Variants in KCNJ6 observed in about 807,000 individuals in gnomAD.
The protein encoded by KCNJ6 is potassium inwardly rectifying channel subfamily J member 6.
A neutral mutation model predicts 34.2 loss-of-function variants in KCNJ6; 9 were observed. The ratio of observed to expected loss-of-function variants is 0.26; its 90% CI spans 0.16 to 0.46. The LOEUF (loss-of-function observed/expected upper bound fraction) is 0.46, where lower values mean the gene tolerates loss of function less well. KCNJ6 is among the 20% of genes least tolerant of loss of function. The pLI, the probability that KCNJ6 is intolerant of heterozygous loss-of-function variation, is 1.00. For missense variants in KCNJ6, 236 were observed against 531.3 expected (o/e 0.44, Z 5.46); for synonymous variants, 196 against 207.1 (o/e 0.95, Z 0.46).
At chr21:37,798,486 G>A (rs1268363696) in intron 2 of KCNJ6, among the ~76,000 whole-genome samples, 2 of 118,220 alleles carry the variant, frequency 1.7e-5, no homozygotes, top group East Asian at 2.3e-4. Context: ...GTCCAAGGCA[G>A]TGTTGCTCAC....
At chr21:37,626,460 A>G (rs2054311647) in intron 3 of KCNJ6, among the ~76,000 whole-genome samples, 1 of 152,182 alleles carries the variant, frequency 6.6e-6, no homozygotes, top group Admixed American at 6.5e-5. Context: ...AAAGATAAGA[A>G]GCCTTTTTGT....
At chr21:37,730,488 G>T (rs1164164402) in intron 2 of KCNJ6, among the ~76,000 whole-genome samples, 2 of 152,204 alleles carry the variant, frequency 1.3e-5, no homozygotes, top group South Asian at 4.1e-4. Context: ...ATCCTGCAAG[G>T]ATGGCACCTG....
intron 1 of KCNJ6, among the ~76,000 whole-genome samples, chr21:37,873,140 A>G (rs2055660714): frequency 6.6e-6 from 1 of 152,214 alleles, no homozygotes; most frequent in Non-Finnish European, 1.5e-5. Context: ...ACTCTGGAAC[A>G]CAGTGACGAC....
At position 37,621,903 on chromosome 21, in the gene KCNJ6, A is replaced by T. The variant is rs533932418; in HGVS notation, c.*3256T>A. The T allele has an allele frequency of 6.6e-6, 1 of 152,360 alleles. No homozygotes were observed. Among genetic ancestry groups the T allele is most frequent in the African/African-American group, 2.4e-5 (1 of 41,578 alleles). The allele number at this position is 152,360 out of a possible 1,614,324, so 9.4% of individuals were successfully genotyped here. On this transcript the variant is annotated 3_prime_UTR_variant, in exon 4 of 4. Transcript: ENST00000609713. ...AGTATAGCTTACCCAGGGGACAGCTAAAACAGAAATGATTTTATTGGTTCC... is the reference window on the plus strand; with the variant it reads ...AGTATAGCTTACCCAGGGGACAGCTTAAACAGAAATGATTTTATTGGTTCC...
intron 1 of KCNJ6, among the ~76,000 whole-genome samples, chr21:37,912,813 G>A (rs2055873119): frequency 6.6e-6 from 1 of 152,208 alleles, no homozygotes; most frequent in South Asian, 2.1e-4. Context: ...CACATCCTGA[G>A]TGCTCAGCAT....
chr21:37,755,781 C>T (rs937624979), intron 2 of KCNJ6, among the ~76,000 whole-genome samples: 8 of 152,242 alleles, frequency 5.3e-5, no homozygotes, highest in Non-Finnish European at 8.8e-5. Context: ...AGGATGGATA[C>T]GAGGGTGCGG....
At chr21:37,910,361 A>G (rs2055861492) in intron 1 of KCNJ6, among the ~76,000 whole-genome samples, 1 of 152,210 alleles carries the variant, frequency 6.6e-6, no homozygotes, top group African/African-American at 2.4e-5. Context: ...TAGATGATAC[A>G]AGAGAAATTT....
intron 1 of KCNJ6, among the ~76,000 whole-genome samples, chr21:37,909,795 G>T (rs147292677): frequency 0.015 from 2,290 of 152,242 alleles, 15 homozygotes; most frequent in Middle Eastern, 0.031. Flanking sequence ...GTTGATTAAG[G>T]TCACATAGTT....
rs1170298759 is a variant in KCNJ6, at chr21:37,915,886, G to A, written c.-30C>T. On this transcript the variant is annotated splice_region_variant and 5_prime_UTR_variant, in exon 1 of 4. Coordinates refer to ENST00000609713, the MANE Select transcript of KCNJ6 (RefSeq NM_002240.5). ...GAGCAGCTCAGCGCACCGCTTACCT[G>A]GCTGCGGACGGGGTGGCTTCACTCA... 1 of 152,322 alleles carries A rather than the reference G, an allele frequency of 6.6e-6. No individual in the cohort carries two copies. Among genetic ancestry groups the A allele is most frequent in the African/African-American group, 2.4e-5 (1 of 41,466 alleles). 9.4% of individuals were successfully genotyped at this position (152,322 alleles called of 1,614,324 possible).
intron 3 of KCNJ6, among the ~76,000 whole-genome samples, chr21:37,678,090 G>T (rs1400234097): frequency 6.6e-6 from 1 of 152,112 alleles, no homozygotes; most frequent in Non-Finnish European, 1.5e-5. Context: ...GCCCTATGGG[G>T]CCAAACAGAA....
At chr21:37,864,875 T>C (rs893773532) in intron 1 of KCNJ6, among the ~76,000 whole-genome samples, 26 of 150,502 alleles carry the variant, frequency 1.7e-4, no homozygotes, top group Admixed American at 6.6e-4. Flanking sequence ...CTCTCTCTTT[T>C]TTTTTTTTTT....
rs74880385 is a variant in KCNJ6 at position 37,642,752 on chromosome 21, C to T, written c.947-17268G>A. Among the ~76,000 whole-genome samples, 642 of 152,086 alleles carry T rather than the reference C, an allele frequency of 4.2e-3. 7 individuals carry two copies. Among genetic ancestry groups the T allele is most frequent in the African/African-American group, 0.015 (607 of 41,476 alleles). On this transcript the variant is annotated intron_variant, in intron 3 of 3. Coordinates refer to ENST00000609713, the MANE Select transcript of KCNJ6 (RefSeq NM_002240.5). ...TACAGGTAGGGGAGGAGGTGATCAA[C>T]TATTTAAGGTTCTGGAGAGATGGGT... is the stretch of plus-strand genomic sequence containing the variant.
intron 1 of KCNJ6, among the ~76,000 whole-genome samples, chr21:37,861,401 A>G (rs2055594196): frequency 1.3e-5 from 2 of 152,102 alleles, no homozygotes; most frequent in South Asian, 4.1e-4. Context: ...CTCTTCTTAT[A>G]AGACCACCAG....
chr21:37,913,623 G>C (rs1440320039), intron 1 of KCNJ6, among the ~76,000 whole-genome samples: 7 of 152,130 alleles, frequency 4.6e-5, no homozygotes, highest in Non-Finnish European at 1.0e-4. Context: ...TTCGAGACCA[G>C]CCTGACCAAC....
At chr21:37,639,245 G>T (rs1294347669) in intron 3 of KCNJ6, among the ~76,000 whole-genome samples, 1 of 152,216 alleles carries the variant, frequency 6.6e-6, no homozygotes, top group African/African-American at 2.4e-5. Flanking sequence ...GGAAAGTGAT[G>T]GTAGCAGTCT....
At chr21:37,839,135 T>G (rs1487796094) in intron 2 of KCNJ6, among the ~76,000 whole-genome samples, 1 of 152,216 alleles carries the variant, frequency 6.6e-6, no homozygotes, top group Non-Finnish European at 1.5e-5. Flanking sequence ...GGGTAATTCT[T>G]TATAGCAGTG....
At chr21:37,681,544 C>T (rs1188529521) in intron 3 of KCNJ6, among the ~76,000 whole-genome samples, 1 of 150,106 alleles carries the variant, frequency 6.7e-6, no homozygotes, top group Middle Eastern at 3.4e-3. Context: ...TGATGAAGTG[C>T]TTCTGACAGG....
intron 3 of KCNJ6, among the ~76,000 whole-genome samples, chr21:37,708,986 C>T (rs1007453840): frequency 1.2e-4 from 18 of 152,144 alleles, no homozygotes; most frequent in Admixed American, 1.3e-4. Flanking sequence ...GACAGAACAT[C>T]ATGTTCTTCC....
intron 1 of KCNJ6, among the ~76,000 whole-genome samples, chr21:37,844,165 T>A (rs1036873471): frequency 6.6e-6 from 1 of 151,838 alleles, no homozygotes; most frequent in Non-Finnish European, 1.5e-5. Context: ...TTCAAGCAAT[T>A]TTCCTGCCTT....
Sources: gnomAD v4.1 joint callset for allele counts (sites outside exome capture counted in the v4.1 genomes callset) on GRCh38, gnomAD v4.1.1 for gene constraint, MANE v1.5 for transcripts, NCBI Gene and HGNC (gene_info 2026-07-23, HGNC 2026-07-21) for gene names.